The following RIC1 variants were observed in gnomAD, a reference collection of about 807,000 sequenced individuals.
RIC1 encodes the protein RIC1 partner of RAB6A GEF complex.
A neutral mutation model predicts 169.0 loss-of-function variants in RIC1; 88 were observed. The ratio of observed to expected loss-of-function variants is 0.52; its 90% CI spans 0.44 to 0.62. The LOEUF (loss-of-function observed/expected upper bound fraction) is 0.62, where lower values mean the gene tolerates loss of function less well. RIC1 is among the 20% of genes least tolerant of loss of function. RIC1 has a pLI of 0.00. For synonymous variants in RIC1, 790 were observed against 601.5 expected (o/e 1.31, Z -4.59); for missense variants, 1,877 against 1,725.5 (o/e 1.09, Z -1.56).
chr9:5,772,421 C>G, intron 23 of RIC1, 143 bp from the exon 24 acceptor site: 1 of 627,960 alleles, frequency 1.6e-6, no homozygotes, highest in Non-Finnish European at 2.6e-6. Context: ...TCTATGTTCA[C>G]ATGGTAATTT....
chr9:5,702,138 A>G (rs188264835), intron 3 of RIC1, among the ~76,000 whole-genome samples: 86 of 152,352 alleles, frequency 5.6e-4, no homozygotes, highest in Non-Finnish European at 1.1e-3. Flanking sequence ...GATAATATCA[A>G]ATATACTGTA....
downstream of RIC1, among the ~76,000 whole-genome samples, chr9:5,778,444 A>G (rs1464938535): frequency 6.6e-6 from 1 of 152,144 alleles, no homozygotes; most frequent in East Asian, 1.9e-4. Context: ...TTAGGTGGCA[A>G]TAGTGGATAT....
At chr9:5,742,750 C>T in intron 8 of RIC1, 119 bp from the exon 9 acceptor site, 1 of 852,216 alleles carries the variant, frequency 1.2e-6, no homozygotes, top group Non-Finnish European at 1.8e-6. Context: ...TTTTTGGAAG[C>T]AGTCATACCT....
intron 4 of RIC1, among the ~76,000 whole-genome samples, chr9:5,716,993 G>T (rs929409109): frequency 7.9e-5 from 12 of 152,098 alleles, no homozygotes; most frequent in Admixed American, 7.2e-4. Flanking sequence ...TAACAAGTTT[G>T]TCCACTTTCA....
chr9:5,763,174 C>G lies in RIC1; in HGVS notation c.2147C>G (p.Ser716Cys). 6.2e-7 allele frequency: 1 copy of G among 1,614,140 alleles called. No homozygotes were observed. Among genetic ancestry groups the G allele is most frequent in the Non-Finnish European group, 8.5e-7 (1 of 1,180,004 alleles). Residue 716 changes from serine to cysteine, a missense_variant, in exon 19 of 26, where the codon TCT (serine) becomes TGT (cysteine). Around this residue, in one of 3 missense-constraint regions of RIC1, gnomAD observed 1,104 missense variants for 992.0 expected, o/e 1.11. Coordinates refer to ENST00000414202, the MANE Select transcript of RIC1 (RefSeq NM_020829.4). This position sits in a 1 kb window ranked among gnomAD's most constrained non-coding sequence, Gnocchi z 5.2. ...PFCPPVVLAQ[S>C]VENVWTTCRA... Reference sequence around the variant, plus strand: ...TGTCCTCCTGTTGTACTAGCCCAGTCTGTTGAAAATGTCTGGACAACGTGT... The same window carrying G: ...TGTCCTCCTGTTGTACTAGCCCAGTGTGTTGAAAATGTCTGGACAACGTGT...
At chr9:5,673,164 G>C (rs1474300831) in intron 2 of RIC1, among the ~76,000 whole-genome samples, 1 of 151,932 alleles carries the variant, frequency 6.6e-6, no homozygotes, top group Non-Finnish European at 1.5e-5. Context: ...TATATGCAAT[G>C]CTTAGGGACA....
intron 6 of RIC1, among the ~76,000 whole-genome samples, chr9:5,726,656 C>T (rs1309928822): frequency 6.6e-6 from 1 of 152,200 alleles, no homozygotes; most frequent in Admixed American, 6.5e-5. Context: ...CATCGATGGT[C>T]TTTACAATTT....
intron 22 of RIC1, chr9:5,769,468 G>A: frequency 1.4e-6 from 2 of 1,454,212 alleles, no homozygotes; most frequent in Non-Finnish European, 1.8e-6. Context: ...TTGTGACCTT[G>A]AAGTCTAATT....
At chr9:5,680,815 AT>A (rs66478510) in intron 2 of RIC1, among the ~76,000 whole-genome samples, 1,453 of 57,394 alleles carry the variant, frequency 0.025, 2 homozygotes, top group African/African-American at 0.047. Flanking sequence ...GCAGTCATTG[AT>A]TTTTTTTTTT....
chr9:5,645,321 T>C (rs1230550367), intron 1 of RIC1, among the ~76,000 whole-genome samples: 2 of 152,202 alleles, frequency 1.3e-5, no homozygotes, highest in African/African-American at 4.8e-5. Context: ...TTACAAGTAT[T>C]AGCCATGATG....
chr9:5,742,567 A>T (rs1195301211), intron 8 of RIC1, among the ~76,000 whole-genome samples: 1 of 152,142 alleles, frequency 6.6e-6, no homozygotes, highest in East Asian at 1.9e-4. Flanking sequence ...AAACTGATTT[A>T]TACAAAGCCA....
intron 2 of RIC1, among the ~76,000 whole-genome samples, chr9:5,689,241 C>T (rs931412309): frequency 1.3e-5 from 2 of 151,614 alleles, no homozygotes; most frequent in Admixed American, 6.6e-5. Flanking sequence ...TTAGTAGAGA[C>T]AGGGTTTCAC....
chr9:5,718,815 C>G (rs2130856623), intron 4 of RIC1, among the ~76,000 whole-genome samples: 1 of 152,134 alleles, frequency 6.6e-6, no homozygotes, highest in African/African-American at 2.4e-5. Flanking sequence ...AGAAATAGAG[C>G]TGGGTAAAGA....
chr9:5,663,329 A>G (rs1004590378), intron 2 of RIC1, among the ~76,000 whole-genome samples: 1 of 152,086 alleles, frequency 6.6e-6, no homozygotes, highest in Non-Finnish European at 1.5e-5. Flanking sequence ...AGTTCTGTAG[A>G]TATCTGTCAG....
intron 4 of RIC1, among the ~76,000 whole-genome samples, chr9:5,715,096 C>G (rs139419798): frequency 6.6e-6 from 1 of 152,302 alleles, no homozygotes; most frequent in East Asian, 1.9e-4. Context: ...TTATTATTTG[C>G]TTAAATGTAA....
chr9:5,678,193 C>G (rs370157472), intron 2 of RIC1, among the ~76,000 whole-genome samples: 1 of 152,174 alleles, frequency 6.6e-6, no homozygotes, highest in Non-Finnish European at 1.5e-5. Context: ...TTTTTTATGG[C>G]TGCATAGTAT....
chr9:5,732,375 T>C lies in RIC1; in HGVS notation c.721-13T>C. 1 of 1,597,916 alleles carries C rather than the reference T, an allele frequency of 6.3e-7. No homozygotes were observed. The highest frequency in any genetic ancestry group is 8.5e-7 in the Non-Finnish European group (1 of 1,171,242). On this transcript the variant is annotated splice_polypyrimidine_tract_variant and intron_variant, in intron 6 of 25. Transcript: ENST00000414202. ...AACACTTTTTAAGCCTTAACTATTT[T>C]TCTTTATTATAGCAGCTTCATGGAG...
rs1418782418 is a variant in RIC1, at chr9:5,638,999, TCAACCTCC to T, written c.144+9550_144+9557del. 2.0e-5 allele frequency among the ~76,000 whole-genome samples: 3 copies of T among 152,280 alleles called. No homozygotes were observed. In the East Asian group the frequency reaches 5.8e-4, roughly 29 times the overall value. On this transcript the variant is annotated intron_variant, in intron 1 of 25. Transcript: ENST00000414202. Reference sequence around the variant, plus strand: ...GGTGCAATCTCGTCTCACTGTAGCCTCAACCTCCCAAGTTCATGTGATCCTCCCACCTC... The same window carrying T: ...GGTGCAATCTCGTCTCACTGTAGCCTCAAGTTCATGTGATCCTCCCACCTC...
chr9:5,668,151 C>A (rs1372356618), intron 2 of RIC1, among the ~76,000 whole-genome samples: 1 of 152,140 alleles, frequency 6.6e-6, no homozygotes, highest in Non-Finnish European at 1.5e-5. Context: ...ACCATCAGAT[C>A]TCGTAAGAAC....
Sources: gnomAD v4.1 joint callset for allele counts (sites outside exome capture counted in the v4.1 genomes callset) on GRCh38, gnomAD v4.1.1 for gene constraint, gnomAD v4.1.1 regional missense constraint, Gnocchi (gnomAD v3.1) non-coding constraint, MANE v1.5 for transcripts, NCBI Gene and HGNC (gene_info 2026-07-23, HGNC 2026-07-21) for gene names.